KCNB2: variants seen among roughly 807,000 people sequenced by gnomAD.
KCNB2 encodes potassium voltage-gated channel subfamily B member 2, also known as delayed rectifier potassium channel protein.
In KCNB2, 15 loss-of-function variants were observed where a neutral mutation model predicts 61.5. That is an observed-to-expected ratio of 0.24 (90% CI 0.16 to 0.38). The LOEUF (loss-of-function observed/expected upper bound fraction) is 0.38. Among genes scored for constraint, KCNB2 ranks in the 10% least tolerant of loss-of-function variants. KCNB2 has a pLI of 1.00. For synonymous variants in KCNB2, 457 were observed against 446.0 expected, an observed-to-expected ratio of 1.02 and a Z score of -0.31; for missense variants, 828 against 1,125.2, an observed-to-expected ratio of 0.74 and a Z score of 3.78.
rs80246370 is a variant in KCNB2 at position 72,871,065 on chromosome 8, G to A, written c.580-64870G>A. Among the ~76,000 whole-genome samples, 192 of 152,278 alleles carry A rather than the reference G, an allele frequency of 1.3e-3. 2 individuals are homozygous for A. In the East Asian group the frequency reaches 0.023, roughly 18 times the overall value. On this transcript the variant is annotated intron_variant, in intron 2 of 2. Coordinates refer to ENST00000523207, the MANE Select transcript of KCNB2 (RefSeq NM_004770.3). The stretch of plus-strand genomic sequence containing the variant: ...TTCTAGTTCTGTTCCCCCCACCAAC[G>A]TACTAGCTATGTGACCTTGAGCCAG...
At chr8:72,748,010 C>T (rs1001262812) in intron 2 of KCNB2, among the ~76,000 whole-genome samples, 1 of 152,172 alleles carries the variant, frequency 6.6e-6, no homozygotes, top group South Asian at 2.1e-4. Context: ...CAGCTTTGTT[C>T]AGCTCCCCTG....
chr8:72,748,791 A>G (rs1389874196), intron 2 of KCNB2, among the ~76,000 whole-genome samples: 1 of 151,982 alleles, frequency 6.6e-6, no homozygotes. Context: ...ATATGCATAC[A>G]TTATGAAATG....
At chr8:72,931,346 T>A (rs1806779654) in intron 2 of KCNB2, among the ~76,000 whole-genome samples, 1 of 152,192 alleles carries the variant, frequency 6.6e-6, no homozygotes, top group Non-Finnish European at 1.5e-5. Context: ...AAGTCATTGG[T>A]AGCTTGATGG....
intron 2 of KCNB2, among the ~76,000 whole-genome samples, chr8:72,595,549 C>T (rs1807175884): frequency 6.6e-6 from 1 of 152,040 alleles, no homozygotes; most frequent in Non-Finnish European, 1.5e-5. Context: ...TGGTCTCGAA[C>T]TCCTGACCTC....
At chr8:72,703,266 G>A (rs1045469845) in intron 2 of KCNB2, among the ~76,000 whole-genome samples, 3 of 152,308 alleles carry the variant, frequency 2.0e-5, no homozygotes, top group African/African-American at 7.2e-5. Context: ...GATAAGAGTA[G>A]CAAGGTTCAG....
At position 72,922,901 on chromosome 8, in the gene KCNB2, A is replaced by G. The variant is rs549706248; in HGVS notation, c.580-13034A>G. 2.0e-5 allele frequency among the ~76,000 whole-genome samples: 3 copies of G among 152,032 alleles called. No homozygotes were observed. The East Asian group carries it at 5.8e-4, about 29-fold the overall frequency. On this transcript the variant is annotated intron_variant, in intron 2 of 2. Transcript: ENST00000523207. ...CAGGAGGTCCTGATAATGGGTCCCA[A>G]GGTGGTTGGGCTACAGCTTGGTTTT...
chr8:72,774,178 G>T (rs1808609597), intron 2 of KCNB2, among the ~76,000 whole-genome samples: 1 of 152,064 alleles, frequency 6.6e-6, no homozygotes, highest in Non-Finnish European at 1.5e-5. Context: ...GGGGTTAGTG[G>T]GTGGCTTAAA....
intron 2 of KCNB2, among the ~76,000 whole-genome samples, chr8:72,717,666 G>T (rs1050199928): frequency 6.6e-6 from 1 of 151,944 alleles, no homozygotes; most frequent in Non-Finnish European, 1.5e-5. Context: ...ATCAATTCAA[G>T]ATGGATTAAA....
At chr8:72,796,867 A>G (rs1017258042) in intron 2 of KCNB2, among the ~76,000 whole-genome samples, 3 of 152,186 alleles carry the variant, frequency 2.0e-5, no homozygotes, top group African/African-American at 4.8e-5. Flanking sequence ...TGCATGTCTT[A>G]TGTGGAAAAT....
At chr8:72,690,490 A>G (rs1267233431) in intron 2 of KCNB2, among the ~76,000 whole-genome samples, 1 of 152,220 alleles carries the variant, frequency 6.6e-6, no homozygotes, top group Non-Finnish European at 1.5e-5. Context: ...TGCCTTTTGC[A>G]TAGTCCAATA....
chr8:72,674,016 G>A (rs545305781), intron 2 of KCNB2, among the ~76,000 whole-genome samples: 1 of 152,158 alleles, frequency 6.6e-6, no homozygotes, highest in African/African-American at 2.4e-5. Flanking sequence ...AGTTTCATTG[G>A]CATCACATAC....
intron 1 of KCNB2, among the ~76,000 whole-genome samples, chr8:72,553,605 T>C (rs1478527009): frequency 6.6e-6 from 1 of 152,134 alleles, no homozygotes; most frequent in Non-Finnish European, 1.5e-5. Flanking sequence ...TACTTTTTTT[T>C]CTAAATCTAA....
intron 2 of KCNB2, among the ~76,000 whole-genome samples, chr8:72,569,231 C>G (rs1188312535): frequency 6.6e-6 from 1 of 152,022 alleles, no homozygotes; most frequent in Non-Finnish European, 1.5e-5. Flanking sequence ...ACATTTTGTG[C>G]GTAATGGATG....
intron 2 of KCNB2, among the ~76,000 whole-genome samples, chr8:72,626,866 G>C (rs1171303568): frequency 6.6e-6 from 1 of 152,144 alleles, no homozygotes; most frequent in African/African-American, 2.4e-5. Context: ...CATGGGAAGA[G>C]CCTTGAAAAA....
At chr8:72,771,026 C>T (rs985658317) in intron 2 of KCNB2, among the ~76,000 whole-genome samples, 4 of 152,108 alleles carry the variant, frequency 2.6e-5, no homozygotes, top group Non-Finnish European at 5.9e-5. Flanking sequence ...TATGTATTGT[C>T]GCAGAAAAAA....
chr8:72,867,111 A>C (rs1805533238), intron 2 of KCNB2, among the ~76,000 whole-genome samples: 1 of 152,332 alleles, frequency 6.6e-6, no homozygotes, highest in Non-Finnish European at 1.5e-5. Flanking sequence ...ATAAATGAAT[A>C]ATTAGCCAAT....
chr8:72,778,733 CAAAAAAAA>C (rs753797385), intron 2 of KCNB2, among the ~76,000 whole-genome samples: 631 of 14,096 alleles, frequency 0.045, 3 homozygotes, highest in African/African-American at 0.075. Context: ...ACAGAGCGAG[CAAAAAAAA>C]AAAAAAAAAA....
intron 2 of KCNB2, among the ~76,000 whole-genome samples, chr8:72,766,647 G>A (rs571674919): frequency 9.9e-5 from 15 of 152,238 alleles, no homozygotes; most frequent in Admixed American, 2.0e-4. Context: ...GTATTAACGC[G>A]TGCACTTATG....
chr8:72,909,093 A>G (rs1277501348), intron 2 of KCNB2, among the ~76,000 whole-genome samples: 2 of 152,148 alleles, frequency 1.3e-5, no homozygotes, highest in African/African-American at 4.8e-5. Context: ...TGATGTGGAT[A>G]TGGCCACTGT....
Sources: allele counts gnomAD v4.1 joint callset (sites outside exome capture counted in the v4.1 genomes callset), GRCh38; gene constraint gnomAD v4.1.1; transcripts MANE v1.5; gene names NCBI Gene and HGNC (gene_info 2026-07-23, HGNC 2026-07-21).